FBN2: variants seen among roughly 807,000 people sequenced by gnomAD.
FBN2 encodes fibrillin-2.
Under a neutral mutation model 355.6 loss-of-function variants are expected in FBN2, and 105 were observed. That is an observed-to-expected ratio of 0.30 (90% CI 0.25 to 0.35). FBN2 has a LOEUF of 0.35. FBN2 is among the 10% of genes least tolerant of loss of function. The probability of loss-of-function intolerance (pLI) is 1.00; values close to 1 mark genes in which losing one functional copy is unlikely to be tolerated. For missense variants in FBN2, 3,280 were observed against 3,758.7 expected, an observed-to-expected ratio of 0.87 and a Z score of 3.33; for synonymous variants, 1,350 against 1,301.2, an observed-to-expected ratio of 1.04 and a Z score of -0.81.
At chr5:128,417,163 T>C (rs1262465567) in intron 7 of FBN2, among the ~76,000 whole-genome samples, 1 of 152,172 alleles carries the variant, frequency 6.6e-6, no homozygotes, top group African/African-American at 2.4e-5. Flanking sequence ...TACTTCATTA[T>C]TGGTATATAG....
intron 5 of FBN2, among the ~76,000 whole-genome samples, chr5:128,480,277 G>A (rs1164821850): frequency 2.7e-5 from 4 of 150,650 alleles, no homozygotes; most frequent in African/African-American, 9.8e-5. Flanking sequence ...AATCTCAACA[G>A]GTAAGGTGTC....
intron 4 of FBN2, among the ~76,000 whole-genome samples, chr5:128,525,329 T>C (rs1417172547): frequency 3.3e-5 from 5 of 152,166 alleles, no homozygotes; most frequent in Non-Finnish European, 5.9e-5. Flanking sequence ...TCCTAACACT[T>C]TTCTAAGGCC....
At chr5:128,310,382 A>ATTTTTTT (rs1750004893) in intron 39 of FBN2, among the ~76,000 whole-genome samples, 1 of 12,780 alleles carries the variant, frequency 7.8e-5, no homozygotes, top group African/African-American at 3.4e-4. Flanking sequence ...ATATATATAT[A>ATTTTTTT]TATATATATA....
Position 128,278,810 on chromosome 5 carries a change from T to A in FBN2, c.7170A>T (p.Val2390=), listed in dbSNP as rs1184815734. ...DNRQGLCFAE[V]LQTICQMASS... Reference sequence around the variant, plus strand: ...ATGCCATTTGACATATTGTCTGCAGTACCTCTGCAAAGCAGAGACCCTGTC... The same window carrying A: ...ATGCCATTTGACATATTGTCTGCAGAACCTCTGCAAAGCAGAGACCCTGTC... Residue 2390 remains valine, a synonymous_variant, in exon 57 of 65, where the codon GTA becomes GTT. Coordinates refer to ENST00000262464, the MANE Select transcript of FBN2 (RefSeq NM_001999.4). 6.2e-6 allele frequency: 10 copies of A among 1,613,606 alleles called. No individual in the cohort carries two copies. Among genetic ancestry groups the A allele is most frequent in the Non-Finnish European group, 8.5e-6 (10 of 1,179,756 alleles).
chr5:128,298,737 T>C (rs1390561224), intron 48 of FBN2, among the ~76,000 whole-genome samples: 5 of 152,230 alleles, frequency 3.3e-5, no homozygotes, highest in African/African-American at 1.2e-4. Flanking sequence ...TATACATTCA[T>C]CTAAATTTTT....
At chr5:128,433,599 A>G (rs1425103758) in intron 7 of FBN2, among the ~76,000 whole-genome samples, 1 of 152,208 alleles carries the variant, frequency 6.6e-6, no homozygotes, top group African/African-American at 2.4e-5. Context: ...GATGAAACCT[A>G]TAGCTGAAGA....
intron 48 of FBN2, 76 bp from the exon 49 acceptor site, chr5:128,291,730 T>C: frequency 7.8e-7 from 1 of 1,283,376 alleles, no homozygotes; most frequent in Non-Finnish European, 1.1e-6. Flanking sequence ...CACTGTCCAC[T>C]AGCCAGCTGA....
At chr5:128,445,300 A>G (rs1418107463) in intron 7 of FBN2, among the ~76,000 whole-genome samples, 1 of 152,218 alleles carries the variant, frequency 6.6e-6, no homozygotes, top group Non-Finnish European at 1.5e-5. Context: ...TAAAATGTAT[A>G]TAACTATAAC....
Position 128,305,080 on chromosome 5 carries a change from G to C in FBN2, c.5677C>G (p.Arg1893Gly), listed in dbSNP as rs1749830592. Residue 1893 changes from arginine (R) to glycine (G), a missense_variant and splice_region_variant, in exon 45 of 65, where the codon CGC becomes GGC. Coordinates refer to ENST00000262464, the MANE Select transcript of FBN2 (RefSeq NM_001999.4). ...TTAGGAATTTCTAAACATTCATTGC[G>C]ATCTAAAACAGAAAAAAATAAATGT... is the stretch of plus-strand genomic sequence containing the variant. The part of the protein sequence containing the change: ...KLSPNGACVD[R>G]NECLEIPNVC... The C allele has an allele frequency of 6.2e-7, 1 of 1,604,770 alleles. No individual in the cohort carries two copies. The highest frequency in any genetic ancestry group is 2.2e-5 in the East Asian group (1 of 44,780).
Position 128,261,769 on chromosome 5 carries a change from C to T in FBN2, c.8331G>A (p.Gln2777=). 1 of 1,614,228 alleles carries T rather than the reference C, an allele frequency of 6.2e-7. No individual in the cohort carries two copies. Among genetic ancestry groups the T allele is most frequent in the Non-Finnish European group, 8.5e-7 (1 of 1,180,020 alleles). Residue 2777 remains glutamine (Q), a synonymous_variant, in exon 64 of 65, where the codon CAG becomes CAA. Coordinates refer to ENST00000262464, the MANE Select transcript of FBN2 (RefSeq NM_001999.4). ...INGYSKKDSR[Q]KRSIHEPDPT... ...GATCAGGTTCATGAATACTTCTCTT[C>T]TGCCTGCTGTCTTTCTTAGAATAGC... is the stretch of plus-strand genomic sequence containing the variant.
At chr5:128,529,440 T>C (rs1252511428) in intron 3 of FBN2, among the ~76,000 whole-genome samples, 1 of 152,198 alleles carries the variant, frequency 6.6e-6, no homozygotes, top group East Asian at 1.9e-4. Context: ...CCAAAAGCTT[T>C]AGCAAGGTCA....
At chr5:128,302,883 A>ATTTTTTTTTTTTT in intron 46 of FBN2, 90 bp downstream of exon 46, 1 of 800,150 alleles carries the variant, frequency 1.2e-6, no homozygotes, top group Admixed American at 1.9e-5. Context: ...TAGTAATATA[A>ATTTTTTTTTTTTT]TTTTTTTTTG....
chr5:128,383,747 C>A (rs1052160029), intron 11 of FBN2, among the ~76,000 whole-genome samples: 3 of 152,030 alleles, frequency 2.0e-5, no homozygotes, highest in African/African-American at 7.2e-5. Context: ...TAAATTAAAA[C>A]CACAATGAGA....
intron 6 of FBN2, among the ~76,000 whole-genome samples, chr5:128,453,732 G>A (rs1410715650): frequency 6.6e-6 from 1 of 151,930 alleles, no homozygotes; most frequent in South Asian, 2.1e-4. Flanking sequence ...ATGCAGAGTG[G>A]GGAAGGCTCA....
At chr5:128,525,998 A>C (rs1439427553) in intron 4 of FBN2, among the ~76,000 whole-genome samples, 11 of 152,120 alleles carry the variant, frequency 7.2e-5, no homozygotes, top group Admixed American at 7.2e-4. Context: ...TCTAAAATAT[A>C]TACTCTCTGG....
At chr5:128,526,671 C>T (rs901264841) in intron 4 of FBN2, among the ~76,000 whole-genome samples, 14 of 151,974 alleles carry the variant, frequency 9.2e-5, no homozygotes, top group South Asian at 6.2e-4. Flanking sequence ...CCATGAAATA[C>T]CTAAAGTAGT....
intron 15 of FBN2, among the ~76,000 whole-genome samples, chr5:128,372,078 T>C (rs1443181487): frequency 6.6e-6 from 1 of 152,220 alleles, no homozygotes; most frequent in East Asian, 1.9e-4. Context: ...GCATTTGCTA[T>C]GTGCTAGACA....
At chr5:128,318,293 C>G in intron 35 of FBN2, 22 bp from the exon 36 acceptor site, 1 of 1,613,656 alleles carries the variant, frequency 6.2e-7, no homozygotes, top group Non-Finnish European at 8.5e-7. Flanking sequence ...ATTTAAAATG[C>G]CCAGGTTACC....
rs1369203122 is a variant in FBN2 at position 128,258,042 on chromosome 5, T to A, written c.*1413A>T. ...CAAATTTACACTGTTCCTTTTTTCT[T>A]TTTAGTTATTAAAAAAACAATAAAA... is the stretch of plus-strand genomic sequence containing the variant. On this transcript the variant is annotated 3_prime_UTR_variant, in exon 65 of 65. Transcript: ENST00000262464. 2.0e-5 allele frequency: 3 copies of A among 152,566 alleles called. No individual in the cohort carries two copies. The highest frequency in any genetic ancestry group is 7.2e-5 in the African/African-American group (3 of 41,396). 9.5% of individuals were successfully genotyped at this position (152,566 alleles called of 1,614,324 possible).
Sources: allele counts gnomAD v4.1 joint callset (sites outside exome capture counted in the v4.1 genomes callset), GRCh38; gene constraint gnomAD v4.1.1; transcripts MANE v1.5; gene names NCBI Gene and HGNC (gene_info 2026-07-23, HGNC 2026-07-21).